SUGCT: variants seen among roughly 807,000 people sequenced by gnomAD.
SUGCT encodes the protein succinyl-CoA:glutarate-CoA transferase, also known as succinyl-CoA:glutarate CoA-transferase.
A neutral mutation model predicts 55.0 loss-of-function variants in SUGCT; 41 were observed. The ratio of observed to expected loss-of-function variants is 0.74; its 90% CI spans 0.58 to 0.97. SUGCT has a LOEUF of 0.97. Ranked by LOEUF, SUGCT falls within the 50% of genes least tolerant of loss-of-function variation. The pLI is 0.00. For synonymous variants in SUGCT, 187 were observed against 200.4 expected, an observed-to-expected ratio of 0.93 and a Z score of 0.56; for missense variants, 568 against 547.8, an observed-to-expected ratio of 1.04 and a Z score of -0.37.
At chr7:40,880,701 C>G in the SUGCT span, among the ~76,000 whole-genome samples, 1 of 152,132 alleles carries the variant, frequency 6.6e-6, no homozygotes. Context: ...ATCACTGGGC[C>G]AGAGAATCTC....
intron 12 of SUGCT, among the ~76,000 whole-genome samples, chr7:40,550,128 A>G (rs1044546783): frequency 3.9e-5 from 6 of 152,200 alleles, no homozygotes; most frequent in East Asian, 3.9e-4. Context: ...CTACCACCTG[A>G]TGAAGAGACT....
chr7:40,918,688 C>G, the SUGCT span, among the ~76,000 whole-genome samples: 1 of 152,038 alleles, frequency 6.6e-6, no homozygotes. Context: ...AAGGATAGAA[C>G]AAGGAGGGAG....
chr7:40,843,152 G>A (rs1420194339), intron 13 of SUGCT, among the ~76,000 whole-genome samples: 1 of 152,148 alleles, frequency 6.6e-6, no homozygotes, highest in Non-Finnish European at 1.5e-5. Flanking sequence ...AAGGACTCTG[G>A]AAGAAAGGAG....
chr7:40,531,273 A>G (rs1396659599), intron 12 of SUGCT, among the ~76,000 whole-genome samples: 1 of 152,186 alleles, frequency 6.6e-6, no homozygotes, highest in East Asian at 1.9e-4. Flanking sequence ...AGCTCTGTAA[A>G]GTAACTAGTG....
chr7:40,962,233 T>C, the SUGCT span, among the ~76,000 whole-genome samples: 12 of 152,178 alleles, frequency 7.9e-5, no homozygotes, highest in Admixed American at 7.9e-4. Flanking sequence ...TGCAAACCTT[T>C]AGCTAGACAC....
intron 12 of SUGCT, among the ~76,000 whole-genome samples, chr7:40,702,890 A>T (rs941485026): frequency 1.3e-5 from 2 of 152,156 alleles, no homozygotes; most frequent in Non-Finnish European, 2.9e-5. Context: ...CTCTCAAATC[A>T]GCCCACAAAG....
At chr7:40,614,517 T>G (rs1798904251) in intron 12 of SUGCT, among the ~76,000 whole-genome samples, 1 of 152,200 alleles carries the variant, frequency 6.6e-6, no homozygotes, top group Admixed American at 6.5e-5. Context: ...AATGTTAGTT[T>G]ATGCAGTAGT....
chr7:40,389,469 A>ACAAACAAGCAAG (rs10660450), intron 9 of SUGCT, among the ~76,000 whole-genome samples: 5 of 148,398 alleles, frequency 3.4e-5, no homozygotes, highest in Non-Finnish European at 6.0e-5. Flanking sequence ...AAACAAACAA[A>ACAAACAAGCAAG]CAAGCAAAAA....
chr7:40,776,849 C>A (rs751319742), intron 13 of SUGCT, among the ~76,000 whole-genome samples: 37 of 152,278 alleles, frequency 2.4e-4, no homozygotes, highest in African/African-American at 8.4e-4. Flanking sequence ...TTTGGAGAAC[C>A]CTTCCTGGGA....
intron 9 of SUGCT, among the ~76,000 whole-genome samples, chr7:40,402,583 G>GTT (rs1326432874): frequency 6.8e-6 from 1 of 147,056 alleles, no homozygotes; most frequent in Non-Finnish European, 1.5e-5. Flanking sequence ...ATTGGTACCT[G>GTT]TTTTTTTTTT....
chr7:40,676,071 G>C (rs1207777998), intron 12 of SUGCT, among the ~76,000 whole-genome samples: 1 of 152,102 alleles, frequency 6.6e-6, no homozygotes, highest in Non-Finnish European at 1.5e-5. Flanking sequence ...GGATGGGGTT[G>C]GGGAGATGTG....
chr7:40,914,492 A>G, the SUGCT span, among the ~76,000 whole-genome samples: 2 of 152,102 alleles, frequency 1.3e-5, no homozygotes, highest in Non-Finnish European at 2.9e-5. Flanking sequence ...ATTAATGGCT[A>G]TGCTTGATAC....
At chr7:40,170,405 C>G (rs533868026) in intron 1 of SUGCT, among the ~76,000 whole-genome samples, 1 of 152,260 alleles carries the variant, frequency 6.6e-6, no homozygotes, top group South Asian at 2.1e-4. Context: ...TTTTAATTTG[C>G]TTCAAGTCTG....
chr7:40,316,036 A>T (rs997877982), intron 8 of SUGCT, among the ~76,000 whole-genome samples: 4 of 151,946 alleles, frequency 2.6e-5, no homozygotes, highest in African/African-American at 9.7e-5. Context: ...TCAGAAATTG[A>T]CTCTAAGGTT....
intron 11 of SUGCT, among the ~76,000 whole-genome samples, chr7:40,495,227 C>CT (rs79094909): frequency 0.18 from 25,310 of 138,442 alleles, 2,300 homozygotes; most frequent in Middle Eastern, 0.27. Flanking sequence ...TATTTCTATG[C>CT]TTTTTTTTTT....
At chr7:40,659,173 G>T (rs570230266) in intron 12 of SUGCT, among the ~76,000 whole-genome samples, 4 of 152,126 alleles carry the variant, frequency 2.6e-5, no homozygotes, top group Non-Finnish European at 4.4e-5. Context: ...ATGCTTAACC[G>T]AACAATGATA....
intron 11 of SUGCT, among the ~76,000 whole-genome samples, chr7:40,479,841 C>A (rs1790924251): frequency 6.6e-6 from 1 of 151,932 alleles, no homozygotes; most frequent in Admixed American, 6.6e-5. Context: ...CTATTTAAGT[C>A]CTTTGCTTGT....
chr7:40,591,243 C>CATGGATG lies in SUGCT; in HGVS notation c.1089+94859_1089+94865dup, dbSNP rs1797703878. On this transcript the variant is annotated intron_variant, in intron 12 of 13. Coordinates refer to ENST00000335693, the MANE Select transcript of SUGCT (RefSeq NM_001193313.2). ...TTTGGAATAATTTGATACCAGCATG[C>CATGGATG]ATGGATGACTTTGAGGGGCTCAAGA... Among the ~76,000 whole-genome samples, 3 of 152,310 alleles carry CATGGATG rather than the reference C, an allele frequency of 2.0e-5. No individual in the cohort carries two copies. In the South Asian group the frequency reaches 6.2e-4, roughly 32 times the overall value.
chr7:40,771,526 G>T (rs1041292258), intron 13 of SUGCT, among the ~76,000 whole-genome samples: 1 of 152,130 alleles, frequency 6.6e-6, no homozygotes, highest in Admixed American at 6.5e-5. Flanking sequence ...AGCAATCCAG[G>T]ATCGTATAGC....
Sources: allele counts gnomAD v4.1 joint callset (sites outside exome capture counted in the v4.1 genomes callset), GRCh38; gene constraint gnomAD v4.1.1; transcripts MANE v1.5; gene names NCBI Gene and HGNC (gene_info 2026-07-23, HGNC 2026-07-21).